VAV2: variants seen among roughly 807,000 people sequenced by gnomAD.
The protein encoded by VAV2 is vav guanine nucleotide exchange factor 2.
A neutral mutation model predicts 132.5 loss-of-function variants in VAV2; 67 were observed. The ratio of observed to expected loss-of-function variants is 0.51; its 90% CI spans 0.42 to 0.62. The LOEUF is 0.62. Ranked by LOEUF, VAV2 falls within the 20% of genes least tolerant of loss-of-function variation. VAV2 has a pLI of 0.00. For missense variants in VAV2, 938 were observed against 1,153.6 expected, an observed-to-expected ratio of 0.81 and a Z score of 2.71; for synonymous variants, 492 against 443.5, an observed-to-expected ratio of 1.11 and a Z score of -1.37.
At chr9:133,979,510 C>T (rs901221602) in intron 1 of VAV2, among the ~76,000 whole-genome samples, 11 of 152,196 alleles carry the variant, frequency 7.2e-5, no homozygotes, top group African/African-American at 2.7e-4. Context: ...GACGCCGCAG[C>T]CGTCCGGAAC....
At chr9:133,847,209 G>A (rs1588262053) in intron 3 of VAV2, among the ~76,000 whole-genome samples, 1 of 152,228 alleles carries the variant, frequency 6.6e-6, no homozygotes, top group South Asian at 2.1e-4. Context: ...AACCTGGAGC[G>A]ACGTGCAGGG....
In VAV2 at chr9:133,894,107, T is replaced by A. The variant is rs573924004; in HGVS notation, c.322-32675A>T. Among the ~76,000 whole-genome samples the A allele has an allele frequency of 8.1e-4, 123 of 152,358 alleles. 1 individual carries two copies. Among genetic ancestry groups the A allele is most frequent in the Non-Finnish European group, 1.5e-3 (102 of 68,034 alleles). On this transcript the variant is annotated intron_variant, in intron 2 of 29. Transcript: ENST00000371850. ...ACTGCCCGTCAGAATTCAGGGAAGC[T>A]GCACGGGTGAGACCCTAGAGGTCAC...
At chr9:133,770,080 A>C (rs116028927) in intron 27 of VAV2, among the ~76,000 whole-genome samples, 153 of 152,334 alleles carry the variant, frequency 1.0e-3, no homozygotes, top group African/African-American at 3.6e-3. Flanking sequence ...CACCTGTGAC[A>C]GCTCCATGCG....
Position 133,968,306 on chromosome 9 carries a change from A to G in VAV2, c.204+23769T>C, listed in dbSNP as rs574205106. On this transcript the variant is annotated intron_variant, in intron 1 of 29. Transcript: ENST00000371850. ...GTATATGTGTATTAAAGTGTCACACATACCCCATAAACAATGGCATATGTG... is the reference window on the plus strand; with the variant it reads ...GTATATGTGTATTAAAGTGTCACACGTACCCCATAAACAATGGCATATGTG... Among the ~76,000 whole-genome samples the G allele has an allele frequency of 1.3e-4, 20 of 152,296 alleles. No homozygotes were observed. The East Asian group carries it at 2.7e-3, about 21-fold the overall frequency.
chr9:133,764,141 T>TGA (rs764403128), intron 29 of VAV2, 32 bp from the exon 30 acceptor site: 29 of 1,608,614 alleles, frequency 1.8e-5, no homozygotes, highest in Non-Finnish European at 2.5e-5. Context: ...TGTCTGTGTG[T>TGA]GTGTGTGTGT....
At position 133,992,286 on chromosome 9, in the gene VAV2, G is replaced by A. The variant is rs748339200; in HGVS notation, c.-8C>T. ...CTGCCGCCACTGCTCCATGGCGCCC[G>A]CGGGCCCGACCGGCTCAGGGCAGTG... On this transcript the variant is annotated 5_prime_UTR_variant, in exon 1 of 30. Coordinates refer to ENST00000371850, the MANE Select transcript of VAV2 (RefSeq NM_001134398.2). This position sits in a 1 kb window ranked among gnomAD's most constrained non-coding sequence, Gnocchi z 5.5. 4.6e-6 allele frequency: 7 copies of A among 1,534,200 alleles called. No homozygotes were observed. The highest frequency in any genetic ancestry group is 2.0e-4 in the Middle Eastern group (1 of 5,064).
chr9:133,800,654 C>T (rs895873941), intron 9 of VAV2, among the ~76,000 whole-genome samples: 9 of 152,326 alleles, frequency 5.9e-5, no homozygotes, highest in African/African-American at 1.9e-4. Flanking sequence ...GATAACATGC[C>T]TGGTGCCAGC....
intron 2 of VAV2, among the ~76,000 whole-genome samples, chr9:133,868,204 A>G (rs73662312): frequency 0.023 from 3,486 of 152,346 alleles, 131 homozygotes; most frequent in African/African-American, 0.078. Flanking sequence ...GACTCAACCC[A>G]ACTGCTGTGA....
chr9:133,964,962 T>G (rs779719364), intron 1 of VAV2, among the ~76,000 whole-genome samples: 1 of 152,116 alleles, frequency 6.6e-6, no homozygotes, highest in Non-Finnish European at 1.5e-5. Context: ...GTACTAGAAG[T>G]GCTAGCCAGA....
intron 1 of VAV2, among the ~76,000 whole-genome samples, chr9:133,987,089 G>A (rs1842878165): frequency 6.6e-6 from 1 of 151,954 alleles, no homozygotes; most frequent in Non-Finnish European, 1.5e-5. Context: ...GAGGGACCCA[G>A]AGAGGAGGAA....
In VAV2 at chr9:133,958,394, T is replaced by C. The variant is rs908425037; in HGVS notation, c.205-19175A>G. On this transcript the variant is annotated intron_variant, in intron 1 of 29. Transcript: ENST00000371850. ...ACCTGCGGGCAGCAATACTGCTTTG[T>C]AAAGCATTGAGATGTTTATGTGTAT... Among the ~76,000 whole-genome samples the C allele has an allele frequency of 6.0e-5, 9 of 149,652 alleles. No individual in the cohort carries two copies. The East Asian group carries it at 1.8e-3, about 29-fold the overall frequency.
intron 11 of VAV2, among the ~76,000 whole-genome samples, chr9:133,795,996 G>C (rs534024809): frequency 6.6e-6 from 1 of 152,360 alleles, no homozygotes; most frequent in Admixed American, 6.5e-5. Flanking sequence ...GGGCCATGAA[G>C]GCAGCAAAAA....
At chr9:133,977,759 A>ACAGAACAAGGCAGAAAAAC in intron 1 of VAV2, among the ~76,000 whole-genome samples, 1 of 152,348 alleles carries the variant, frequency 6.6e-6, no homozygotes, top group East Asian at 1.9e-4. Flanking sequence ...ACGCCAGAGA[A>ACAGAACAAGGCAGAAAAAC]CAGAACAAGG....
At chr9:133,906,244 G>C (rs1839648857) in intron 2 of VAV2, among the ~76,000 whole-genome samples, 2 of 152,130 alleles carry the variant, frequency 1.3e-5, no homozygotes, top group Admixed American at 1.3e-4. Context: ...TATCTGCCAG[G>C]GTCAAAATGC....
chr9:133,861,230 G>T, intron 3 of VAV2, 144 bp downstream of exon 3: 2 of 900,184 alleles, frequency 2.2e-6, no homozygotes, highest in Non-Finnish European at 3.1e-6. Flanking sequence ...GCCGCCAACG[G>T]GTTACGCGAC....
intron 2 of VAV2, among the ~76,000 whole-genome samples, chr9:133,896,224 G>A (rs1283094033): frequency 6.6e-6 from 1 of 152,194 alleles, no homozygotes; most frequent in Non-Finnish European, 1.5e-5. Flanking sequence ...GGAGCGCGAG[G>A]CATGCGGATC....
At position 133,863,486 on chromosome 9, in the gene VAV2, C is replaced by CA. The variant is rs1051549616; in HGVS notation, c.322-2055dup. Among the ~76,000 whole-genome samples, 3 of 152,246 alleles carry CA rather than the reference C, an allele frequency of 2.0e-5. No homozygotes were observed. Among genetic ancestry groups the CA allele is most frequent in the Non-Finnish European group, 4.4e-5 (3 of 68,046 alleles). On this transcript the variant is annotated intron_variant, in intron 2 of 29. Coordinates refer to ENST00000371850, the MANE Select transcript of VAV2 (RefSeq NM_001134398.2). The surrounding 1 kb of genome is among the most constrained non-coding windows in gnomAD (Gnocchi z 5.0). ...GAGGAGGCGTGGCGGGCGAGCCAGC[C>CA]AAGGCCAGAACATGGTTCTCCTGCG...
chr9:133,859,473 G>A (rs536395102), intron 3 of VAV2, among the ~76,000 whole-genome samples: 20 of 152,340 alleles, frequency 1.3e-4, no homozygotes, highest in African/African-American at 3.8e-4. Flanking sequence ...CAGGTCACTC[G>A]TCTGACGTGG....
chr9:133,991,680 C>T lies in VAV2; in HGVS notation c.204+395G>A, dbSNP rs1195545505. 6.6e-6 allele frequency among the ~76,000 whole-genome samples: 1 copy of T among 151,330 alleles called. No individual in the cohort carries two copies. The highest frequency in any genetic ancestry group is 1.5e-5 in the Non-Finnish European group (1 of 67,754). On this transcript the variant is annotated intron_variant, in intron 1 of 29. Transcript: ENST00000371850. The surrounding 1 kb of genome is among the most constrained non-coding windows in gnomAD (Gnocchi z 4.8). The stretch of plus-strand genomic sequence containing the variant: ...CTTCCACCGGCGTCCGGCCAGGAGG[C>T]GCGAGGCCCAAGGATGCGACCCACG...
Sources: gnomAD v4.1 joint callset for allele counts (sites outside exome capture counted in the v4.1 genomes callset) on GRCh38, gnomAD v4.1.1 for gene constraint, Gnocchi (gnomAD v3.1) non-coding constraint, MANE v1.5 for transcripts, NCBI Gene and HGNC (gene_info 2026-07-23, HGNC 2026-07-21) for gene names.